Variants in FHAD1 observed in about 807,000 individuals in gnomAD.
FHAD1 encodes the protein forkhead-associated domain-containing protein 1.
A neutral mutation model predicts 191.3 loss-of-function variants in FHAD1; 146 were observed. The ratio of observed to expected loss-of-function variants is 0.76; its 90% CI spans 0.67 to 0.88. FHAD1 has a LOEUF of 0.88. Ranked by LOEUF, FHAD1 falls within the 40% of genes least tolerant of loss-of-function variation. The pLI is 0.00. For synonymous variants in FHAD1, 616 were observed against 672.3 expected (o/e 0.92, Z 1.29); for missense variants, 1,635 against 1,785.8 (o/e 0.92, Z 1.52).
chr1:15,341,189 AC>A (rs201399790), intron 15 of FHAD1, among the ~76,000 whole-genome samples: 4 of 152,092 alleles, frequency 2.6e-5, no homozygotes, highest in Non-Finnish European at 4.4e-5. Flanking sequence ...CTCAAAAAAA[AC>A]AAAACAAAAC....
chr1:15,331,685 A>AGGAAGGCAGGAG, intron 14 of FHAD1, among the ~76,000 whole-genome samples: 1 of 142,688 alleles, frequency 7.0e-6, no homozygotes, highest in African/African-American at 2.5e-5. Flanking sequence ...GAAGGCAGGA[A>AGGAAGGCAGGAG]GGAAGGCAGG....
chr1:15,262,839 G>C (rs6687638), intron 2 of FHAD1, among the ~76,000 whole-genome samples: 15,813 of 152,160 alleles, frequency 0.1, 1,618 homozygotes, highest in African/African-American at 0.25. Flanking sequence ...TGGCATTGCC[G>C]GATCATATGG....
At chr1:15,370,977 C>T (rs1008033635) in intron 26 of FHAD1, among the ~76,000 whole-genome samples, 4 of 152,186 alleles carry the variant, frequency 2.6e-5, no homozygotes, top group African/African-American at 9.7e-5. Flanking sequence ...CGAAAGGGCT[C>T]GAGGTCCAGC....
At chr1:15,347,153 G>A (rs1426973193) in intron 18 of FHAD1, among the ~76,000 whole-genome samples, 3 of 152,248 alleles carry the variant, frequency 2.0e-5, no homozygotes, top group Non-Finnish European at 4.4e-5. Flanking sequence ...CTCTCACAGA[G>A]CGTCACTGAG....
intron 15 of FHAD1, among the ~76,000 whole-genome samples, chr1:15,340,062 G>C (rs1241681607): frequency 6.6e-6 from 1 of 152,130 alleles, no homozygotes; most frequent in Non-Finnish European, 1.5e-5. Context: ...CTGACCTCAA[G>C]TGATCCACCC....
intron 3 of FHAD1, among the ~76,000 whole-genome samples, chr1:15,283,677 A>C (rs1661365343): frequency 6.6e-6 from 1 of 152,172 alleles, no homozygotes; most frequent in African/African-American, 2.4e-5. Flanking sequence ...TGAGCCAGCT[A>C]CAGCCCTGCC....
chr1:15,345,618 G>A (rs1426519848), intron 18 of FHAD1, 95 bp downstream of exon 18: 2 of 999,764 alleles, frequency 2.0e-6, no homozygotes, highest in African/African-American at 3.2e-5. Flanking sequence ...TGAGATCGTG[G>A]TGGAGCCTTC....
intron 28 of FHAD1, among the ~76,000 whole-genome samples, chr1:15,376,089 A>ATTTTTTTT (rs1430820378): frequency 8.8e-6 from 1 of 113,104 alleles, no homozygotes; most frequent in Non-Finnish European, 1.8e-5. Context: ...TTTTTTATTT[A>ATTTTTTTT]TTTTTTTATT....
chr1:15,370,270 C>A (rs569054819), intron 26 of FHAD1, among the ~76,000 whole-genome samples: 1 of 152,324 alleles, frequency 6.6e-6, no homozygotes, highest in East Asian at 1.9e-4. Flanking sequence ...AGCCACCACG[C>A]CTGGCCCATA....
intron 3 of FHAD1, among the ~76,000 whole-genome samples, chr1:15,282,204 G>T (rs1000546990): frequency 5.3e-5 from 8 of 152,104 alleles, no homozygotes; most frequent in African/African-American, 1.9e-4. Context: ...AATTCAGTTC[G>T]GTCAGCAGGC....
chr1:15,329,040 GA>G lies in FHAD1; in HGVS notation c.1711-300del, dbSNP rs893404598. On this transcript the variant is annotated intron_variant, in intron 13 of 33. Coordinates refer to ENST00000688493, the MANE Select transcript of FHAD1 (RefSeq NM_001391957.1). The surrounding 1 kb of genome is among the most constrained non-coding windows in gnomAD (Gnocchi z 5.0). ...ATCTTGGCAGGAATTCTGACGAATG[GA>G]AAAAAGAAGTAGCCACATTTGCTTC... The G allele has an allele frequency of 4.3e-5, 9 of 209,614 alleles. No individual in the cohort carries two copies. The highest frequency in any genetic ancestry group is 6.9e-5 in the African/African-American group (3 of 43,546). 13.0% of individuals were successfully genotyped at this position (209,614 alleles called of 1,614,324 possible). A position where few individuals can be genotyped will look rare whatever the true frequency, so the allele number is the denominator to read the frequency against.
Position 15,357,435 on chromosome 1 carries a change from CAACATGGTGA to C in FHAD1, c.2563-671_2563-662del, listed in dbSNP as rs1041082357. Among the ~76,000 whole-genome samples, 3 of 151,916 alleles carry C rather than the reference CAACATGGTGA, an allele frequency of 2.0e-5. No homozygotes were observed. In the East Asian group the frequency reaches 5.8e-4, roughly 29 times the overall value. On this transcript the variant is annotated intron_variant, in intron 20 of 33. Transcript: ENST00000688493. ...GTCAAGAGATCGAGACCAGCCTGGCCAACATGGTGAAACTCCGTCTCTACTAAAAATACAA... is the reference window on the plus strand; with the variant it reads ...GTCAAGAGATCGAGACCAGCCTGGCCAACTCCGTCTCTACTAAAAATACAA...
chr1:15,366,147 G>T (rs907225881), intron 24 of FHAD1, among the ~76,000 whole-genome samples: 2 of 152,086 alleles, frequency 1.3e-5, no homozygotes, highest in Non-Finnish European at 2.9e-5. Flanking sequence ...TTAGCTGGGT[G>T]TGGTGGTGGG....
chr1:15,291,639 G>T (rs535705361), intron 4 of FHAD1, among the ~76,000 whole-genome samples: 118 of 152,256 alleles, frequency 7.8e-4, no homozygotes, highest in Non-Finnish European at 1.5e-3. Context: ...AAAACCCTAT[G>T]CGTTATCTTA....
At chr1:15,306,175 G>C (rs1670443074) in intron 6 of FHAD1, among the ~76,000 whole-genome samples, 1 of 152,216 alleles carries the variant, frequency 6.6e-6, no homozygotes, top group South Asian at 2.1e-4. Flanking sequence ...TTATGTTTTA[G>C]CAAAGAGAAT....
intron 1 of FHAD1, among the ~76,000 whole-genome samples, chr1:15,249,235 G>A (rs1023603566): frequency 6.6e-6 from 1 of 151,992 alleles, no homozygotes. Flanking sequence ...CTTTAGCTGG[G>A]GTGGTCAGGT....
chr1:15,250,071 A>G (rs1208952803), intron 1 of FHAD1, among the ~76,000 whole-genome samples: 2 of 152,222 alleles, frequency 1.3e-5, no homozygotes, highest in African/African-American at 4.8e-5. Flanking sequence ...GATGATGAAA[A>G]GCAGAGCCAG....
chr1:15,300,872 C>T (rs935433417), intron 5 of FHAD1, among the ~76,000 whole-genome samples: 1 of 152,130 alleles, frequency 6.6e-6, no homozygotes, highest in Admixed American at 6.5e-5. Context: ...TCTTGTTGCC[C>T]AGGCTAGAGT....
At chr1:15,293,973 A>G (rs529836781) in intron 4 of FHAD1, among the ~76,000 whole-genome samples, 11 of 151,962 alleles carry the variant, frequency 7.2e-5, no homozygotes, top group Non-Finnish European at 1.3e-4. Context: ...GGGCGTCACC[A>G]CTGCAGCCTC....
Sources: gnomAD v4.1 joint callset for allele counts (sites outside exome capture counted in the v4.1 genomes callset) on GRCh38, gnomAD v4.1.1 for gene constraint, Gnocchi (gnomAD v3.1) non-coding constraint, MANE v1.5 for transcripts, NCBI Gene and HGNC (gene_info 2026-07-23, HGNC 2026-07-21) for gene names.